The following VEGFC variants were observed in gnomAD, a reference collection of about 807,000 sequenced individuals.
VEGFC encodes the protein vascular endothelial growth factor C.
In VEGFC, 12 loss-of-function variants were observed where a neutral mutation model predicts 46.1. The observed-to-expected ratio is 0.26, with a 90% CI of 0.17 to 0.42. VEGFC has a LOEUF of 0.42. Among genes scored for constraint, VEGFC ranks in the 10% least tolerant of loss-of-function variants. The pLI is 1.00. For missense variants in VEGFC, 488 were observed against 529.4 expected (o/e 0.92, Z 0.77); for synonymous variants, 232 against 195.5 (o/e 1.19, Z -1.56).
chr4:176,771,916 C>A (rs1735729767), intron 1 of VEGFC, among the ~76,000 whole-genome samples: 1 of 152,202 alleles, frequency 6.6e-6, no homozygotes, highest in Admixed American at 6.5e-5. Context: ...AATAGCTGAT[C>A]CCCCAATTTT....
chr4:176,699,033 C>T (rs1460549583), intron 4 of VEGFC, among the ~76,000 whole-genome samples: 1 of 152,158 alleles, frequency 6.6e-6, no homozygotes, highest in African/African-American at 2.4e-5. Context: ...TCAACTGTAG[C>T]ACATGATGAT....
chr4:176,764,061 A>G (rs1735575710), intron 1 of VEGFC, among the ~76,000 whole-genome samples: 1 of 152,200 alleles, frequency 6.6e-6, no homozygotes, highest in South Asian at 2.1e-4. Flanking sequence ...TGACAAAACA[A>G]TGTTCCCACT....
In VEGFC at chr4:176,773,457, A is replaced by C. The variant is rs79029087; in HGVS notation, c.147+18708T>G. Among the ~76,000 whole-genome samples the C allele has an allele frequency of 7.6e-3, 1,162 of 152,328 alleles. 5 individuals are homozygous for C. Among genetic ancestry groups the C allele is most frequent in the Non-Finnish European group, 0.013 (857 of 68,024 alleles). ...TACTCTCAAAATAGTTAGTGAAATC[A>C]CCAGAGAATGAAATAAACTTATTTT... On this transcript the variant is annotated intron_variant, in intron 1 of 6. Transcript: ENST00000618562.
At chr4:176,788,663 T>C (rs550251520) in intron 1 of VEGFC, among the ~76,000 whole-genome samples, 8 of 152,340 alleles carry the variant, frequency 5.3e-5, no homozygotes, top group Admixed American at 2.0e-4. Context: ...GAAAGTATTT[T>C]ACTGCATATT....
chr4:176,745,317 C>T (rs1735242586), intron 1 of VEGFC, among the ~76,000 whole-genome samples: 1 of 152,086 alleles, frequency 6.6e-6, no homozygotes, highest in South Asian at 2.1e-4. Flanking sequence ...TTTCAACTCC[C>T]AGGTCCATCT....
At chr4:176,755,929 G>C (rs1735425795) in intron 1 of VEGFC, among the ~76,000 whole-genome samples, 1 of 151,944 alleles carries the variant, frequency 6.6e-6, no homozygotes, top group African/African-American at 2.4e-5. Context: ...TTATATGAAT[G>C]CTATATTCCT....
chr4:176,733,017 A>T, intron 1 of VEGFC, among the ~76,000 whole-genome samples: 1 of 151,922 alleles, frequency 6.6e-6, no homozygotes. Context: ...AACAAAAAGA[A>T]GTAATATAAT....
intron 1 of VEGFC, among the ~76,000 whole-genome samples, chr4:176,777,633 A>G (rs949082668): frequency 6.6e-6 from 1 of 152,110 alleles, no homozygotes; most frequent in African/African-American, 2.4e-5. Context: ...AATTCTTGTT[A>G]TATATAGGCC....
chr4:176,781,224 GAACA>G (rs1367572773), intron 1 of VEGFC, among the ~76,000 whole-genome samples: 19 of 152,260 alleles, frequency 1.2e-4, no homozygotes, highest in South Asian at 2.1e-4. Context: ...GACTCAGAGA[GAACA>G]AACAATGAAT....
chr4:176,723,879 A>C (rs1266854269), intron 3 of VEGFC, among the ~76,000 whole-genome samples: 1 of 149,392 alleles, frequency 6.7e-6, no homozygotes, highest in Non-Finnish European at 1.5e-5. Flanking sequence ...GGTTTGTTAC[A>C]TAGGTAAACT....
intron 6 of VEGFC, among the ~76,000 whole-genome samples, chr4:176,685,821 A>G (rs1734032592): frequency 6.6e-6 from 1 of 152,142 alleles, no homozygotes; most frequent in Admixed American, 6.5e-5. Flanking sequence ...AGTATAAGGG[A>G]AGAAAAATAT....
At chr4:176,714,713 A>G (rs997137085) in intron 3 of VEGFC, among the ~76,000 whole-genome samples, 1 of 152,136 alleles carries the variant, frequency 6.6e-6, no homozygotes, top group Non-Finnish European at 1.5e-5. Flanking sequence ...CTGTTTTCCA[A>G]ATGGTAGACA....
At chr4:176,760,759 C>T (rs1439422296) in intron 1 of VEGFC, among the ~76,000 whole-genome samples, 1 of 152,100 alleles carries the variant, frequency 6.6e-6, no homozygotes, top group Non-Finnish European at 1.5e-5. Flanking sequence ...ATTTATTCCC[C>T]TCAAATACTC....
At chr4:176,686,506 G>T (rs1734044825) in intron 6 of VEGFC, among the ~76,000 whole-genome samples, 2 of 152,106 alleles carry the variant, frequency 1.3e-5, no homozygotes, top group South Asian at 4.1e-4. Flanking sequence ...AGAAGGAATG[G>T]CATGAAGCAA....
At chr4:176,699,812 A>C (rs577175562) in intron 4 of VEGFC, among the ~76,000 whole-genome samples, 1 of 152,332 alleles carries the variant, frequency 6.6e-6, no homozygotes, top group South Asian at 2.1e-4. Context: ...AGAAATACAT[A>C]TATTTTAGGT....
intron 4 of VEGFC, among the ~76,000 whole-genome samples, chr4:176,708,208 T>C (rs1432716706): frequency 6.6e-6 from 1 of 151,698 alleles, no homozygotes; most frequent in Non-Finnish European, 1.5e-5. Context: ...TTGTATTATA[T>C]ATTCATATCA....
intron 1 of VEGFC, among the ~76,000 whole-genome samples, chr4:176,740,535 T>C (rs965645070): frequency 7.0e-6 from 1 of 143,652 alleles, no homozygotes; most frequent in African/African-American, 2.6e-5. Flanking sequence ...TATATAACTA[T>C]ATATAGAACA....
At chr4:176,726,631 T>A (rs1262006512) in intron 3 of VEGFC, among the ~76,000 whole-genome samples, 1 of 152,096 alleles carries the variant, frequency 6.6e-6, no homozygotes, top group African/African-American at 2.4e-5. Flanking sequence ...GGCCAAATGA[T>A]CGTAACAGTA....
chr4:176,693,348 G>C (rs1005774017), intron 4 of VEGFC, among the ~76,000 whole-genome samples: 3 of 135,732 alleles, frequency 2.2e-5, no homozygotes, highest in Admixed American at 7.1e-5. Flanking sequence ...CTCAGGAGCC[G>C]ATGCAATCAA....
Sources: gnomAD v4.1 joint callset for allele counts (sites outside exome capture counted in the v4.1 genomes callset) on GRCh38, gnomAD v4.1.1 for gene constraint, MANE v1.5 for transcripts, NCBI Gene and HGNC (gene_info 2026-07-23, HGNC 2026-07-21) for gene names.